NFATC1: variants seen among roughly 807,000 people sequenced by gnomAD.
NFATC1 encodes nuclear factor of activated T cells 1, also known as nuclear factor of activated T-cells, cytoplasmic 1.
A neutral mutation model predicts 76.0 loss-of-function variants in NFATC1; 22 were observed. The ratio of observed to expected loss-of-function variants is 0.29; its 90% CI spans 0.21 to 0.41. NFATC1 has a LOEUF of 0.41. Among genes scored for constraint, NFATC1 ranks in the 10% least tolerant of loss-of-function variants. The probability of loss-of-function intolerance (pLI) is 1.00; values close to 1 mark genes in which losing one functional copy is unlikely to be tolerated. For missense variants in NFATC1, 1,357 were observed against 1,337.7 expected (o/e 1.01, Z -0.23); for synonymous variants, 704 against 613.1 (o/e 1.15, Z -2.19).
chr18:79,433,392 G>T (rs1048721484), intron 2 of NFATC1, among the ~76,000 whole-genome samples, 187 bp from the exon 3 acceptor site: 1 of 152,216 alleles, frequency 6.6e-6, no homozygotes, highest in Non-Finnish European at 1.5e-5. Flanking sequence ...TAGAGAACTG[G>T]CCGGGCCGTG....
At chr18:79,436,846 A>G (rs1402449687) in intron 3 of NFATC1, among the ~76,000 whole-genome samples, 1 of 151,848 alleles carries the variant, frequency 6.6e-6, no homozygotes, top group East Asian at 1.9e-4. Flanking sequence ...AGCCCCCTCC[A>G]GTGAGCACTG....
At chr18:79,422,631 ATC>A (rs750525355) in intron 2 of NFATC1, 4 of 152,164 alleles carry the variant, frequency 2.6e-5, no homozygotes, top group Non-Finnish European at 5.9e-5. Flanking sequence ...GGGCGCTGGG[ATC>A]CCACAGCGAG....
intron 2 of NFATC1, among the ~76,000 whole-genome samples, chr18:79,425,537 T>C (rs1211599107): frequency 6.6e-6 from 1 of 152,238 alleles, no homozygotes; most frequent in Non-Finnish European, 1.5e-5. Context: ...AATGAGCACG[T>C]GCGGGCTTTA....
At chr18:79,426,687 G>A (rs1007968251) in intron 2 of NFATC1, among the ~76,000 whole-genome samples, 6 of 152,260 alleles carry the variant, frequency 3.9e-5, no homozygotes, top group Non-Finnish European at 7.3e-5. Context: ...TGACTCAGCT[G>A]CAGCCTCTCT....
At position 79,437,110 on chromosome 18, in the gene NFATC1, CT is replaced by C. The variant is rs138957195; in HGVS notation, c.1386+3373del. ...GGTGGTTCAGGATGGCCGGCAGCCC[CT>C]GGTGGACGTGGTCCCTGCGGGGTCT... is the stretch of plus-strand genomic sequence containing the variant. On this transcript the variant is annotated intron_variant, in intron 3 of 9. Transcript: ENST00000427363. Among the ~76,000 whole-genome samples the C allele has an allele frequency of 1.4e-4, 22 of 152,348 alleles. No homozygotes were observed. In the East Asian group the frequency reaches 3.7e-3, roughly 25 times the overall value.
At chr18:79,479,662 A>G (rs554092395) in intron 8 of NFATC1, among the ~76,000 whole-genome samples, 53 of 152,378 alleles carry the variant, frequency 3.5e-4, no homozygotes, top group African/African-American at 1.2e-3. Context: ...TCTCCAGGAC[A>G]TGACTTAGCA....
At chr18:79,494,895 C>T (rs1483353796) in intron 9 of NFATC1, among the ~76,000 whole-genome samples, 2 of 144,722 alleles carry the variant, frequency 1.4e-5, no homozygotes, top group Non-Finnish European at 3.0e-5. Context: ...CCCCCATGAA[C>T]CTGGTACCGC....
intron 1 of NFATC1, among the ~76,000 whole-genome samples, chr18:79,396,827 G>GCGTCTCCCTCGCGCCGC (rs1293392664): frequency 2.7e-5 from 4 of 150,528 alleles, no homozygotes; most frequent in African/African-American, 9.8e-5. Flanking sequence ...GCTCGTGGCG[G>GCGTCTCCCTCGCGCCGC]CGTCTCCCTC....
At chr18:79,407,657 T>C (rs931974423) in intron 1 of NFATC1, among the ~76,000 whole-genome samples, 4 of 152,144 alleles carry the variant, frequency 2.6e-5, no homozygotes, top group Non-Finnish European at 5.9e-5. Flanking sequence ...GTTGCCCAGA[T>C]TGGTCTTGAA....
chr18:79,458,835 G>A (rs993826759), intron 6 of NFATC1, among the ~76,000 whole-genome samples: 4 of 152,264 alleles, frequency 2.6e-5, no homozygotes, highest in Admixed American at 1.3e-4. Flanking sequence ...CCTGAGATGC[G>A]AGGTTATTTC....
At chr18:79,495,074 G>C (rs2089839443) in intron 9 of NFATC1, among the ~76,000 whole-genome samples, 1 of 152,382 alleles carries the variant, frequency 6.6e-6, no homozygotes, top group South Asian at 2.1e-4. Context: ...TTGAGGAAAT[G>C]GGGGCAAGGA....
intron 8 of NFATC1, among the ~76,000 whole-genome samples, chr18:79,476,994 T>A (rs1377736158): frequency 6.6e-6 from 1 of 152,208 alleles, no homozygotes; most frequent in Non-Finnish European, 1.5e-5. Flanking sequence ...CTTCTCTGTC[T>A]CCCACATCAG....
intron 3 of NFATC1, among the ~76,000 whole-genome samples, chr18:79,444,951 C>CCCGGCAAGCACAGAAATCACA (rs1402594750): frequency 1.3e-5 from 2 of 152,180 alleles, no homozygotes; most frequent in African/African-American, 2.4e-5. Flanking sequence ...AGCCCGAAGC[C>CCCGGCAAGCACAGAAATCACA]CCGGCAAGCA....
intron 8 of NFATC1, among the ~76,000 whole-genome samples, chr18:79,483,462 C>G (rs1220476287): frequency 2.2e-5 from 3 of 135,536 alleles, no homozygotes; most frequent in Non-Finnish European, 3.1e-5. Flanking sequence ...TCCAGCGTGA[C>G]CTGGTTCCTG....
intron 9 of NFATC1, among the ~76,000 whole-genome samples, chr18:79,506,139 G>T (rs2090116477): frequency 6.6e-6 from 1 of 152,152 alleles, no homozygotes; most frequent in South Asian, 2.1e-4. Context: ...ACTGAGTTTT[G>T]AGCATTTTGT....
intron 3 of NFATC1, among the ~76,000 whole-genome samples, chr18:79,446,931 G>A (rs1012369078): frequency 4.6e-5 from 7 of 152,192 alleles, no homozygotes; most frequent in African/African-American, 1.4e-4. Context: ...ACGCCCCTTC[G>A]ATGTCTCAGC....
chr18:79,503,356 G>A (rs2090053140), intron 9 of NFATC1, among the ~76,000 whole-genome samples: 1 of 152,240 alleles, frequency 6.6e-6, no homozygotes, highest in Non-Finnish European at 1.5e-5. Context: ...CGCTCACACT[G>A]TACTGAGTCT....
At chr18:79,501,389 G>A (rs2090010145) in intron 9 of NFATC1, among the ~76,000 whole-genome samples, 1 of 152,182 alleles carries the variant, frequency 6.6e-6, no homozygotes, top group African/African-American at 2.4e-5. Flanking sequence ...AATCGTCCAA[G>A]ACGGAGGACC....
intron 3 of NFATC1, among the ~76,000 whole-genome samples, chr18:79,435,431 C>T (rs1304551237): frequency 2.0e-5 from 3 of 151,838 alleles, no homozygotes; most frequent in Non-Finnish European, 4.4e-5. Context: ...TCACTGCAAC[C>T]TCTGTCTCCT....
Sources: gnomAD v4.1 joint callset for allele counts (sites outside exome capture counted in the v4.1 genomes callset) on GRCh38, gnomAD v4.1.1 for gene constraint, MANE v1.5 for transcripts, NCBI Gene and HGNC (gene_info 2026-07-23, HGNC 2026-07-21) for gene names.